Variants in ADORA2B observed in about 807,000 individuals in gnomAD.
The protein encoded by ADORA2B is adenosine A2b receptor.
Under a neutral mutation model 20.8 loss-of-function variants are expected in ADORA2B, and 18 were observed. The observed-to-expected ratio is 0.87, with a 90% CI of 0.60 to 1.29. ADORA2B has a LOEUF of 1.29. Among genes scored for constraint, ADORA2B ranks in the 50% most tolerant of loss-of-function variants. ADORA2B has a pLI of 0.00. For missense variants in ADORA2B, 441 were observed against 422.7 expected (o/e 1.04, Z -0.38); for synonymous variants, 179 against 178.3 (o/e 1.00, Z -0.03).
the ADORA2B span, among the ~76,000 whole-genome samples, chr17:15,906,521 G>T: frequency 4.6e-5 from 7 of 152,068 alleles, no homozygotes; most frequent in African/African-American, 1.7e-4. Context: ...TTTGTTAAGG[G>T]TTTTTGTGTC....
At position 15,958,017 on chromosome 17, in the gene ADORA2B, C is replaced by CTT. The variant is rs748163411; in HGVS notation, c.335+12434_335+12435insTT. Among the ~76,000 whole-genome samples the CTT allele has an allele frequency of 1.8e-4, 25 of 135,556 alleles. 4 individuals carry two copies. The highest frequency in any genetic ancestry group is 2.2e-4 in the Non-Finnish European group (14 of 63,180). The allele number at this position is 135,556 out of a possible 152,430, so 88.9% of individuals were successfully genotyped here. ...GAACCAGGACCTGTCAGGTACACTT[C>CTT]CTTTTTTTTTTTTTTTCTTGAGACA... On this transcript the variant is annotated intron_variant, in intron 1 of 1. Transcript: ENST00000304222.
chr17:15,866,685 C>G, the ADORA2B span, among the ~76,000 whole-genome samples: 8,827 of 105,862 alleles, frequency 0.083, no homozygotes, highest in African/African-American at 0.15. Context: ...TTTTGGCTCT[C>G]CCTCTGCCTC....
chr17:15,933,734 A>G, the ADORA2B span, among the ~76,000 whole-genome samples: 10 of 152,120 alleles, frequency 6.6e-5, no homozygotes, highest in Middle Eastern at 3.2e-3. Context: ...GGTTTTCTAT[A>G]TACAAGATTA....
the ADORA2B span, among the ~76,000 whole-genome samples, chr17:15,899,290 C>T: frequency 6.6e-6 from 1 of 151,962 alleles, no homozygotes; most frequent in Admixed American, 6.6e-5. Flanking sequence ...TACACCCAGT[C>T]AGAACTGACA....
chr17:15,941,539 G>A (rs572211997), upstream of ADORA2B, among the ~76,000 whole-genome samples: 20 of 152,136 alleles, frequency 1.3e-4, no homozygotes, highest in Middle Eastern at 3.4e-3. Flanking sequence ...ACCAGCCTGG[G>A]CAACATAGTG....
intron 1 of ADORA2B, among the ~76,000 whole-genome samples, chr17:15,954,553 A>G (rs1272682943): frequency 6.6e-6 from 1 of 152,112 alleles, no homozygotes; most frequent in Non-Finnish European, 1.5e-5. Context: ...TCCTCTTTCT[A>G]GGATTTCATA....
chr17:15,919,894 TG>T, the ADORA2B span, among the ~76,000 whole-genome samples: 4 of 152,168 alleles, frequency 2.6e-5, no homozygotes, highest in Non-Finnish European at 5.9e-5. Context: ...ATGAAGAAAT[TG>T]GGTGAATGTG....
the ADORA2B span, among the ~76,000 whole-genome samples, chr17:15,897,497 G>T: frequency 6.6e-6 from 1 of 152,122 alleles, no homozygotes; most frequent in Non-Finnish European, 1.5e-5. Context: ...GAGCCCAGGA[G>T]GTTGAGGCTG....
At chr17:15,965,405 G>GA (rs1970103395) in intron 1 of ADORA2B, among the ~76,000 whole-genome samples, 1 of 152,170 alleles carries the variant, frequency 6.6e-6, no homozygotes, top group African/African-American at 2.4e-5. Flanking sequence ...TCCTTCAGTG[G>GA]AAAGAGACAG....
intron 1 of ADORA2B, among the ~76,000 whole-genome samples, chr17:15,962,353 T>G (rs543654964): frequency 6.6e-6 from 1 of 151,928 alleles, no homozygotes; most frequent in Non-Finnish European, 1.5e-5. Context: ...AAAACAAAAT[T>G]GGTAATTTTC....
At chr17:15,874,403 C>T in the ADORA2B span, among the ~76,000 whole-genome samples, 4 of 151,436 alleles carry the variant, frequency 2.6e-5, no homozygotes, top group African/African-American at 4.8e-5. Context: ...TTAAAAGTGT[C>T]GTGGCTGGGC....
the ADORA2B span, among the ~76,000 whole-genome samples, chr17:15,861,167 G>T: frequency 6.6e-6 from 1 of 152,222 alleles, no homozygotes; most frequent in Non-Finnish European, 1.5e-5. Context: ...AAAGGAGGAT[G>T]CTGGACAGTA....
At chr17:15,878,101 C>T in the ADORA2B span, among the ~76,000 whole-genome samples, 9 of 151,662 alleles carry the variant, frequency 5.9e-5, no homozygotes, top group South Asian at 2.1e-4. Flanking sequence ...GGCCTCAGAG[C>T]GCTTTATTCG....
the ADORA2B span, among the ~76,000 whole-genome samples, chr17:15,898,404 C>CATG: frequency 6.6e-6 from 1 of 151,642 alleles, no homozygotes; most frequent in South Asian, 2.1e-4. Flanking sequence ...AGCGATTCTC[C>CATG]TGCATCAGCC....
rs151037042 is a variant in ADORA2B at position 15,954,148 on chromosome 17, T to C, written c.335+8565T>C. Among the ~76,000 whole-genome samples, 1,386 of 152,038 alleles carry C rather than the reference T, an allele frequency of 9.1e-3. 26 individuals are homozygous for C. The highest frequency in any genetic ancestry group is 0.031 in the African/African-American group (1,298 of 41,502). On this transcript the variant is annotated intron_variant, in intron 1 of 1. Transcript: ENST00000304222. Reference sequence around the variant, plus strand: ...CACGTGCCACCACGCCTGGCTAACTTTTGTATTTTTAGTAGAGACGGGGTT... The same window carrying C: ...CACGTGCCACCACGCCTGGCTAACTCTTGTATTTTTAGTAGAGACGGGGTT...
chr17:15,892,839 C>T, the ADORA2B span, among the ~76,000 whole-genome samples: 1 of 152,108 alleles, frequency 6.6e-6, no homozygotes, highest in African/African-American at 2.4e-5. Flanking sequence ...TGCAGCTTCT[C>T]CCCGACAGTG....
the ADORA2B span, among the ~76,000 whole-genome samples, chr17:15,908,081 G>T: frequency 2.6e-5 from 4 of 152,106 alleles, no homozygotes; most frequent in African/African-American, 9.7e-5. Context: ...AATTATGGGT[G>T]ACTTTTTTTT....
the ADORA2B span, among the ~76,000 whole-genome samples, chr17:15,867,439 A>G: frequency 0.078 from 10,377 of 132,542 alleles, 1,127 homozygotes; most frequent in African/African-American, 0.26. Context: ...CGGCCGCCCC[A>G]TCTGAGAAGT....
chr17:15,932,512 A>G, the ADORA2B span, among the ~76,000 whole-genome samples: 1 of 151,836 alleles, frequency 6.6e-6, no homozygotes, highest in Non-Finnish European at 1.5e-5. Context: ...AAAAAAAGAA[A>G]GAAATTGTTG....
Sources: gnomAD v4.1 joint callset for allele counts (sites outside exome capture counted in the v4.1 genomes callset) on GRCh38, gnomAD v4.1.1 for gene constraint, MANE v1.5 for transcripts, NCBI Gene and HGNC (gene_info 2026-07-23, HGNC 2026-07-21) for gene names.